The following INPP4A variants were observed in gnomAD, a reference collection of about 807,000 sequenced individuals.
INPP4A encodes the protein inositol polyphosphate-4-phosphatase type I A.
INPP4A carries 33 observed loss-of-function variants against 119.8 expected under a neutral mutation model. The observed-to-expected ratio is 0.28, with a 90% CI of 0.21 to 0.37. The LOEUF (loss-of-function observed/expected upper bound fraction) is 0.37. INPP4A is among the 10% of genes least tolerant of loss of function. The probability of loss-of-function intolerance (pLI) is 1.00; values close to 1 mark genes in which losing one functional copy is unlikely to be tolerated. For missense variants in INPP4A, 956 were observed against 1,289.9 expected, an observed-to-expected ratio of 0.74 and a Z score of 3.97; for synonymous variants, 496 against 500.7, an observed-to-expected ratio of 0.99 and a Z score of 0.12.
rs914161920 is a variant in INPP4A, at chr2:98,531,198, A to C, written c.152-2179A>C. 2.0e-5 allele frequency among the ~76,000 whole-genome samples: 3 copies of C among 152,324 alleles called. No homozygotes were observed. In the East Asian group the frequency reaches 5.8e-4, roughly 29 times the overall value. On this transcript the variant is annotated intron_variant, in intron 4 of 24. Coordinates refer to ENST00000409851, the MANE Select transcript of INPP4A (RefSeq NM_001134225.2). Reference sequence around the variant, plus strand: ...TTGTGTCAGAGGACAGACCTACTTAAAGAAACTTTAGGGGGACACAAACAT... The same window carrying C: ...TTGTGTCAGAGGACAGACCTACTTACAGAAACTTTAGGGGGACACAAACAT...
At chr2:98,481,225 C>A (rs1285318023) in intron 1 of INPP4A, among the ~76,000 whole-genome samples, 1 of 152,172 alleles carries the variant, frequency 6.6e-6, no homozygotes, top group African/African-American at 2.4e-5. Context: ...CCATTGTAAT[C>A]CCTCACCCCA....
intron 1 of INPP4A, among the ~76,000 whole-genome samples, chr2:98,504,792 C>A (rs1683738126): frequency 6.6e-6 from 1 of 152,216 alleles, no homozygotes; most frequent in African/African-American, 2.4e-5. Context: ...TTGTCTGAAG[C>A]ACGTTATTAT....
At position 98,520,604 on chromosome 2, in the gene INPP4A, G is replaced by A. The variant is rs111810767; in HGVS notation, c.107-83G>A. 2.9e-3 allele frequency: 2,399 copies of A among 821,852 alleles called. 56 individuals carry two copies. The African/African-American group carries it at 0.036, about 12-fold the overall frequency. 50.9% of individuals were successfully genotyped at this position (821,852 alleles called of 1,614,324 possible). Reference sequence around the variant, plus strand: ...CAGTTTTTGTTGTTGTTGGGGGGAAGTAGAGGGTCATTTGTGCATTTAATC... The same window carrying A: ...CAGTTTTTGTTGTTGTTGGGGGGAAATAGAGGGTCATTTGTGCATTTAATC... On this transcript the variant is annotated intron_variant, in intron 3 of 24. Transcript: ENST00000409851.
intron 13 of INPP4A, among the ~76,000 whole-genome samples, chr2:98,552,436 A>G (rs1031005353): frequency 1.3e-5 from 2 of 152,254 alleles, no homozygotes; most frequent in Non-Finnish European, 2.9e-5. Context: ...AGTACTGCTT[A>G]TAAGTTAATA....
At chr2:98,474,292 A>G (rs1165238243) in intron 1 of INPP4A, among the ~76,000 whole-genome samples, 1 of 152,188 alleles carries the variant, frequency 6.6e-6, no homozygotes, top group Non-Finnish European at 1.5e-5. Context: ...CAGCCTTCCC[A>G]GTGCTTGGTG....
intron 17 of INPP4A, 97 bp from the exon 18 acceptor site, chr2:98,563,368 A>C: frequency 9.2e-7 from 1 of 1,083,336 alleles, no homozygotes; most frequent in Non-Finnish European, 1.4e-6. Context: ...GAGTGGGAGG[A>C]CTGCAGTGGT....
At chr2:98,556,763 A>C (rs1176916093) in intron 16 of INPP4A, among the ~76,000 whole-genome samples, 1 of 152,190 alleles carries the variant, frequency 6.6e-6, no homozygotes, top group Non-Finnish European at 1.5e-5. Flanking sequence ...ATCCCCCTTC[A>C]GGTTGTAAGA....
chr2:98,486,477 G>C (rs776130880), intron 1 of INPP4A, among the ~76,000 whole-genome samples: 7 of 152,100 alleles, frequency 4.6e-5, no homozygotes, highest in Non-Finnish European at 1.0e-4. Flanking sequence ...GACCCTCCCT[G>C]TCCCCAAAGC....
chr2:98,490,127 A>C (rs1406823977), intron 1 of INPP4A, among the ~76,000 whole-genome samples: 1 of 151,330 alleles, frequency 6.6e-6, no homozygotes, highest in Non-Finnish European at 1.5e-5. Flanking sequence ...GGCATGAGGG[A>C]GGGAGGGACT....
chr2:98,452,291 TC>T (rs1695365787), intron 1 of INPP4A, among the ~76,000 whole-genome samples: 1 of 152,058 alleles, frequency 6.6e-6, no homozygotes, highest in Non-Finnish European at 1.5e-5. Flanking sequence ...CCAGGTGTGG[TC>T]CTCAGACCAG....
chr2:98,514,925 A>G (rs1251324296), intron 1 of INPP4A, among the ~76,000 whole-genome samples: 2 of 79,990 alleles, frequency 2.5e-5, no homozygotes, highest in Non-Finnish European at 5.7e-5. Flanking sequence ...TAAAAGCTGG[A>G]AAAAAAAAAA....
intron 24 of INPP4A, among the ~76,000 whole-genome samples, chr2:98,583,166 A>G (rs1360405716): frequency 6.6e-6 from 1 of 152,276 alleles, no homozygotes; most frequent in Non-Finnish European, 1.5e-5. Flanking sequence ...TAATGCATAT[A>G]GTCACCAAAG....
Position 98,588,617 on chromosome 2 carries a change from A to G in INPP4A, c.*1009A>G, listed in dbSNP as rs557870624. 7 of 224,010 alleles carry G rather than the reference A, an allele frequency of 3.1e-5. No homozygotes were observed. Among genetic ancestry groups the G allele is most frequent in the Middle Eastern group, 1.4e-3 (1 of 740 alleles). 13.9% of individuals were successfully genotyped at this position (224,010 alleles called of 1,614,324 possible). ...CAATAATTGTTACTTTCTTATTCTC[A>G]TTCTTATGTAAGATGACTATTGAGA... On this transcript the variant is annotated 3_prime_UTR_variant, in exon 25 of 25. Transcript: ENST00000409851.
chr2:98,566,197 G>T lies in INPP4A; in HGVS notation c.2420+28G>T, dbSNP rs1443478906. 6.4e-7 allele frequency: 1 copy of T among 1,554,184 alleles called. No homozygotes were observed. Among genetic ancestry groups the T allele is most frequent in the Middle Eastern group, 1.7e-4 (1 of 5,882 alleles). ...GCGTGCCGGCTCCTCGGGGCTGCGG[G>T]GGTGTGGTGGCCCTGGAGATGATGC... is the stretch of plus-strand genomic sequence containing the variant. On this transcript the variant is annotated intron_variant, in intron 21 of 24. Coordinates refer to ENST00000409851, the MANE Select transcript of INPP4A (RefSeq NM_001134225.2). This position sits in a 1 kb window ranked among gnomAD's most constrained non-coding sequence, Gnocchi z 4.2.
chr2:98,507,869 C>T (rs1684360771), intron 1 of INPP4A, among the ~76,000 whole-genome samples: 1 of 152,164 alleles, frequency 6.6e-6, no homozygotes, highest in South Asian at 2.1e-4. Context: ...CTAAGCTCAC[C>T]CCCCTGCACA....
chr2:98,529,880 A>G (rs1688886047), intron 4 of INPP4A, among the ~76,000 whole-genome samples: 2 of 152,304 alleles, frequency 1.3e-5, no homozygotes, highest in Non-Finnish European at 2.9e-5. Context: ...CTGTGAAGGT[A>G]AATGAAGGAA....
chr2:98,538,857 C>G lies in INPP4A; in HGVS notation c.580-34C>G. The G allele has an allele frequency of 3.1e-6, 4 of 1,272,154 alleles. No homozygotes were observed. The Middle Eastern group carries it at 5.5e-4, about 175-fold the overall frequency. 78.8% of individuals were successfully genotyped at this position (1,272,154 alleles called of 1,614,324 possible). On this transcript the variant is annotated intron_variant, in intron 8 of 24. Transcript: ENST00000409851. The stretch of plus-strand genomic sequence containing the variant: ...ATGTTCTGGAGTCATCTGAATCTCA[C>G]AGTTTTCTTGTGCATTTCCTTATAC...
At chr2:98,503,427 T>C (rs551960445) in intron 1 of INPP4A, among the ~76,000 whole-genome samples, 1 of 152,220 alleles carries the variant, frequency 6.6e-6, no homozygotes, top group Non-Finnish European at 1.5e-5. Context: ...CCTGAGTGAG[T>C]GCTTGTTGCT....
At chr2:98,477,199 C>T (rs1574620831) in intron 1 of INPP4A, among the ~76,000 whole-genome samples, 1 of 152,214 alleles carries the variant, frequency 6.6e-6, no homozygotes, top group Admixed American at 6.5e-5. Context: ...GGACGTGTAG[C>T]GTGGCGGGTG....
Sources: allele counts gnomAD v4.1 joint callset (sites outside exome capture counted in the v4.1 genomes callset), GRCh38; gene constraint gnomAD v4.1.1; non-coding constraint Gnocchi (gnomAD v3.1); transcripts MANE v1.5; gene names NCBI Gene and HGNC (gene_info 2026-07-23, HGNC 2026-07-21).